The following NPAS3 variants were observed in gnomAD, a reference collection of about 807,000 sequenced individuals.
The protein encoded by NPAS3 is neuronal PAS domain-containing protein 3.
In NPAS3, 14 loss-of-function variants were observed where a neutral mutation model predicts 73.1. The observed-to-expected ratio is 0.19, with a 90% CI of 0.13 to 0.30. NPAS3 has a LOEUF of 0.30. Among genes scored for constraint, NPAS3 ranks in the 10% least tolerant of loss-of-function variants. The pLI, the probability that NPAS3 is intolerant of heterozygous loss-of-function variation, is 1.00. For synonymous variants in NPAS3, 620 were observed against 541.5 expected (o/e 1.14, Z -2.01); for missense variants, 1,096 against 1,250.0 (o/e 0.88, Z 1.86).
chr14:33,337,279 T>C (rs1345058690), intron 3 of NPAS3, among the ~76,000 whole-genome samples: 1 of 152,134 alleles, frequency 6.6e-6, no homozygotes, highest in African/African-American at 2.4e-5. Context: ...TACTCAAATG[T>C]CCATGTTTGT....
chr14:33,014,453 ATAT>A (rs1283266089), intron 1 of NPAS3, among the ~76,000 whole-genome samples: 1 of 152,188 alleles, frequency 6.6e-6, no homozygotes, highest in Non-Finnish European at 1.5e-5. Flanking sequence ...TTGTAATAAA[ATAT>A]TATACCATTC....
intron 4 of NPAS3, among the ~76,000 whole-genome samples, chr14:33,467,696 C>T (rs2050592988): frequency 1.3e-5 from 2 of 152,122 alleles, no homozygotes; most frequent in Non-Finnish European, 2.9e-5. Flanking sequence ...TATGCTGCAG[C>T]GGTGACTTAG....
intron 1 of NPAS3, among the ~76,000 whole-genome samples, chr14:32,998,967 T>C (rs1005221164): frequency 6.6e-6 from 1 of 152,194 alleles, no homozygotes; most frequent in Non-Finnish European, 1.5e-5. Flanking sequence ...CTTCCCATCA[T>C]CACACTGTGT....
chr14:33,143,175 C>T (rs1021914729), intron 2 of NPAS3, among the ~76,000 whole-genome samples: 3 of 151,160 alleles, frequency 2.0e-5, no homozygotes, highest in South Asian at 4.2e-4. Context: ...TGCTTTTTGC[C>T]ACTTACAGTT....
At chr14:33,392,743 A>G (rs988775825) in intron 4 of NPAS3, among the ~76,000 whole-genome samples, 1 of 152,142 alleles carries the variant, frequency 6.6e-6, no homozygotes, top group Admixed American at 6.6e-5. Flanking sequence ...CAGATTTTAC[A>G]CATCACCGCT....
chr14:33,728,190 A>G (rs1408798127), intron 6 of NPAS3, among the ~76,000 whole-genome samples: 1 of 152,200 alleles, frequency 6.6e-6, no homozygotes, highest in Non-Finnish European at 1.5e-5. Context: ...CAGGAGCAAG[A>G]AACCTGAAAG....
chr14:33,440,600 T>C (rs1245414267), intron 4 of NPAS3, among the ~76,000 whole-genome samples: 1 of 152,112 alleles, frequency 6.6e-6, no homozygotes, highest in Non-Finnish European at 1.5e-5. Context: ...ACAGGAAATA[T>C]AGAAAGTCTT....
At chr14:33,344,279 C>T (rs1435655440) in intron 3 of NPAS3, among the ~76,000 whole-genome samples, 1 of 152,188 alleles carries the variant, frequency 6.6e-6, no homozygotes, top group Non-Finnish European at 1.5e-5. Flanking sequence ...AATTCAGTTT[C>T]ATGTGTAAAG....
intron 4 of NPAS3, among the ~76,000 whole-genome samples, chr14:33,450,988 G>A (rs8014355): frequency 0.7 from 107,079 of 152,062 alleles, 38,298 homozygotes; most frequent in East Asian, 0.84. Flanking sequence ...GTATTAGATC[G>A]TTTCCTAACA....
chr14:33,552,949 G>A (rs898192048), intron 4 of NPAS3, among the ~76,000 whole-genome samples: 2 of 152,208 alleles, frequency 1.3e-5, no homozygotes, highest in African/African-American at 4.8e-5. Context: ...AGCAGATGTA[G>A]CATTGCAATG....
intron 4 of NPAS3, among the ~76,000 whole-genome samples, chr14:33,416,721 G>A (rs1314969656): frequency 6.6e-6 from 1 of 151,790 alleles, no homozygotes; most frequent in African/African-American, 2.4e-5. Flanking sequence ...TCCATCACAA[G>A]AATTAAGTTT....
intron 3 of NPAS3, among the ~76,000 whole-genome samples, chr14:33,266,400 T>G (rs754761595): frequency 6.6e-6 from 1 of 152,144 alleles, no homozygotes; most frequent in Non-Finnish European, 1.5e-5. Flanking sequence ...AGAGCTCATA[T>G]CTAGGTTCCA....
At chr14:33,058,280 T>G (rs1218716334) in intron 2 of NPAS3, among the ~76,000 whole-genome samples, 1 of 151,916 alleles carries the variant, frequency 6.6e-6, no homozygotes, top group Admixed American at 6.6e-5. Flanking sequence ...AATGATGGAG[T>G]CAGTACAATT....
At chr14:33,500,641 C>A (rs932172523) in intron 4 of NPAS3, among the ~76,000 whole-genome samples, 1 of 152,004 alleles carries the variant, frequency 6.6e-6, no homozygotes, top group East Asian at 1.9e-4. Flanking sequence ...AGATATGATT[C>A]TTGTCTGGCT....
At chr14:33,567,968 A>G (rs553855337) in intron 5 of NPAS3, among the ~76,000 whole-genome samples, 11 of 152,376 alleles carry the variant, frequency 7.2e-5, no homozygotes, top group African/African-American at 2.6e-4. Context: ...AGACTGAATC[A>G]TAGAATCTCA....
chr14:33,195,916 T>C (rs2046335180), intron 2 of NPAS3, among the ~76,000 whole-genome samples: 1 of 152,228 alleles, frequency 6.6e-6, no homozygotes. Flanking sequence ...GAAATAACTT[T>C]AATGTACGCC....
intron 1 of NPAS3, among the ~76,000 whole-genome samples, chr14:32,995,789 C>T (rs1021151393): frequency 2.0e-5 from 3 of 152,182 alleles, no homozygotes; most frequent in Admixed American, 2.0e-4. Context: ...CTCCATTAAA[C>T]CTCTTTCCTT....
intron 5 of NPAS3, among the ~76,000 whole-genome samples, chr14:33,674,835 C>T (rs905119352): frequency 1.3e-5 from 2 of 152,146 alleles, no homozygotes; most frequent in African/African-American, 4.8e-5. Context: ...AGATCTGCAG[C>T]CTGTTAAGAT....
chr14:33,477,761 A>G (rs2051112797), intron 4 of NPAS3, among the ~76,000 whole-genome samples: 1 of 152,170 alleles, frequency 6.6e-6, no homozygotes. Flanking sequence ...TTCACTAAGA[A>G]TTTCAAAAAA....
Sources: allele counts gnomAD v4.1 joint callset (sites outside exome capture counted in the v4.1 genomes callset), GRCh38; gene constraint gnomAD v4.1.1; transcripts MANE v1.5; gene names NCBI Gene and HGNC (gene_info 2026-07-23, HGNC 2026-07-21).